DSCAM: variants seen among roughly 807,000 people sequenced by gnomAD.
DSCAM encodes the protein DS cell adhesion molecule.
A neutral mutation model predicts 217.7 loss-of-function variants in DSCAM; 47 were observed. The ratio of observed to expected loss-of-function variants is 0.22; its 90% confidence interval spans 0.17 to 0.28. DSCAM has a LOEUF of 0.28. Among genes scored for constraint, DSCAM ranks in the 10% least tolerant of loss-of-function variants. The pLI is 1.00. For missense variants in DSCAM, 2,080 were observed against 2,618.3 expected, an observed-to-expected ratio of 0.79 and a Z score of 4.49; for synonymous variants, 1,056 against 1,015.3, an observed-to-expected ratio of 1.04 and a Z score of -0.76.
Position 40,827,843 on chromosome 21 carries a change from C to T in DSCAM, c.43+18776G>A, listed in dbSNP as rs1390517480. ...CAACAAGCTGTGTTTGAGGCAAGTA[C>T]TGTAAGGACCTCACATCAAGCTGCA... On this transcript the variant is annotated intron_variant, in intron 1 of 32. Transcript: ENST00000400454. Among the ~76,000 whole-genome samples, 10 of 152,300 alleles carry T rather than the reference C, an allele frequency of 6.6e-5. No homozygotes were observed. In the South Asian group the frequency reaches 1.9e-3, roughly 28 times the overall value.
intron 3 of DSCAM, among the ~76,000 whole-genome samples, chr21:40,574,373 T>A (rs1486205216): frequency 1.3e-5 from 2 of 152,126 alleles, no homozygotes; most frequent in East Asian, 3.9e-4. Flanking sequence ...GAAGAAAAAT[T>A]ATATAACTAT....
chr21:40,252,892 G>T (rs1447089122), intron 11 of DSCAM, among the ~76,000 whole-genome samples: 4 of 152,190 alleles, frequency 2.6e-5, no homozygotes, highest in African/African-American at 9.7e-5. Context: ...GGTTACTAGA[G>T]AGTGCTAAGG....
chr21:40,300,305 G>A (rs2074000782), intron 9 of DSCAM, among the ~76,000 whole-genome samples: 1 of 152,174 alleles, frequency 6.6e-6, no homozygotes, highest in African/African-American at 2.4e-5. Flanking sequence ...AAAGAAAAAT[G>A]GAATTTCCTT....
At chr21:40,384,594 C>CGAA (rs2075063038) in intron 3 of DSCAM, 1 of 153,098 alleles carries the variant, frequency 6.5e-6, no homozygotes, top group South Asian at 2.1e-4. Context: ...GCAACAAGAG[C>CGAA]GAAACCCCAT....
chr21:40,841,630 C>A (rs1001744776), intron 1 of DSCAM, among the ~76,000 whole-genome samples: 1 of 152,100 alleles, frequency 6.6e-6, no homozygotes, highest in African/African-American at 2.4e-5. Flanking sequence ...TGCGGAGGAG[C>A]GGGCACGTCA....
Position 40,552,444 on chromosome 21 carries a change from AC to A in DSCAM, c.508+140365del, listed in dbSNP as rs2076638175. ...TTTCTCAAATCTGATTCAACTGGAA[AC>A]TCACGTAGTCTAGAAATAGGGGTTT... On this transcript the variant is annotated intron_variant, in intron 3 of 32. Coordinates refer to ENST00000400454, the MANE Select transcript of DSCAM (RefSeq NM_001389.5). Among the ~76,000 whole-genome samples, 15 of 152,226 alleles carry A rather than the reference AC, an allele frequency of 9.9e-5. 1 individual carries two copies. The highest frequency in any genetic ancestry group is 9.8e-4 in the Admixed American group (15 of 15,288).
intron 4 of DSCAM, among the ~76,000 whole-genome samples, chr21:40,363,406 C>A (rs2074790696): frequency 6.6e-6 from 1 of 151,896 alleles, no homozygotes; most frequent in Non-Finnish European, 1.5e-5. Context: ...GCACCCACCA[C>A]TATACCTGGG....
intron 10 of DSCAM, among the ~76,000 whole-genome samples, chr21:40,280,060 G>A (rs1039959024): frequency 4.6e-5 from 7 of 151,698 alleles, no homozygotes; most frequent in African/African-American, 1.5e-4. Flanking sequence ...GCAAACCACC[G>A]TGGCACATTT....
Position 40,144,937 on chromosome 21 carries a change from C to A in DSCAM, c.3019-206G>T, listed in dbSNP as rs1390987418. Among the ~76,000 whole-genome samples the A allele has an allele frequency of 2.0e-5, 3 of 152,138 alleles. No individual in the cohort carries two copies. Among genetic ancestry groups the A allele is most frequent in the Non-Finnish European group, 4.4e-5 (3 of 68,028 alleles). The stretch of plus-strand genomic sequence containing the variant: ...TTCCTTTACCTGTGAATGCATCCGG[C>A]CCTCCCAGCCCCTCTGAGCCACTGG... On this transcript the variant is annotated intron_variant, in intron 16 of 32. Transcript: ENST00000400454. The surrounding 1 kb of genome is among the most constrained non-coding windows in gnomAD (Gnocchi z 4.8).
intron 11 of DSCAM, among the ~76,000 whole-genome samples, chr21:40,245,133 A>G (rs1348414929): frequency 6.6e-6 from 1 of 152,200 alleles, no homozygotes; most frequent in African/African-American, 2.4e-5. Context: ...GAATCACTCC[A>G]GTAACTTTCA....
chr21:40,411,563 A>G (rs1332959378), intron 3 of DSCAM, among the ~76,000 whole-genome samples: 1 of 152,174 alleles, frequency 6.6e-6, no homozygotes, highest in Non-Finnish European at 1.5e-5. Flanking sequence ...TAGAAAGGTT[A>G]AAGCAAAAAG....
At chr21:40,118,051 T>C (rs1421142838) in intron 20 of DSCAM, among the ~76,000 whole-genome samples, 1 of 152,194 alleles carries the variant, frequency 6.6e-6, no homozygotes. Flanking sequence ...TTTTAGAATA[T>C]GAAACTAGAC....
intron 9 of DSCAM, among the ~76,000 whole-genome samples, chr21:40,296,831 C>CAAAAAAA (rs58219836): frequency 5.6e-5 from 3 of 53,804 alleles, no homozygotes; most frequent in East Asian, 5.6e-4. Context: ...AACTCCATCT[C>CAAAAAAA]AAAAAAAAAA....
intron 32 of DSCAM, among the ~76,000 whole-genome samples, chr21:40,022,269 A>C (rs1022175292): frequency 6.6e-6 from 1 of 152,198 alleles, no homozygotes; most frequent in Non-Finnish European, 1.5e-5. Context: ...GGAGGGTGAC[A>C]CTATTGATAC....
chr21:40,765,587 G>A (rs7278504), intron 1 of DSCAM, among the ~76,000 whole-genome samples: 47,508 of 151,742 alleles, frequency 0.31, 8,515 homozygotes, highest in Non-Finnish European at 0.4. Context: ...CAATGGGGGA[G>A]GGATGGGGAC....
At chr21:40,573,600 G>C (rs1197366584) in intron 3 of DSCAM, among the ~76,000 whole-genome samples, 1 of 151,866 alleles carries the variant, frequency 6.6e-6, no homozygotes, top group Non-Finnish European at 1.5e-5. Context: ...AAAACAAAAA[G>C]TTTTAGCTTT....
intron 3 of DSCAM, among the ~76,000 whole-genome samples, chr21:40,559,832 T>G (rs28522219): frequency 0.53 from 75,233 of 143,268 alleles, 20,124 homozygotes; most frequent in Middle Eastern, 0.61. Flanking sequence ...TCGCTCTGTC[T>G]CCCAGGCTGG....
intron 12 of DSCAM, among the ~76,000 whole-genome samples, chr21:40,188,572 C>T (rs1244156735): frequency 6.6e-6 from 1 of 152,180 alleles, no homozygotes; most frequent in Non-Finnish European, 1.5e-5. Context: ...CAGTTCACTG[C>T]TCACAGTCCT....
chr21:40,060,814 T>C (rs999547067), intron 28 of DSCAM, among the ~76,000 whole-genome samples: 14 of 152,248 alleles, frequency 9.2e-5, no homozygotes, highest in African/African-American at 2.7e-4. Context: ...TTACAAGTCA[T>C]GTGACTCTGA....
Sources: allele counts gnomAD v4.1 joint callset (sites outside exome capture counted in the v4.1 genomes callset), GRCh38; gene constraint gnomAD v4.1.1; non-coding constraint Gnocchi (gnomAD v3.1); transcripts MANE v1.5; gene names NCBI Gene and HGNC (gene_info 2026-07-23, HGNC 2026-07-21).